PRPF6: variants seen among roughly 807,000 people sequenced by gnomAD.
The protein encoded by PRPF6 is pre-mRNA-processing factor 6.
Under a neutral mutation model 118.3 loss-of-function variants are expected in PRPF6, and 42 were observed. The ratio of observed to expected loss-of-function variants is 0.35; its 90% confidence interval spans 0.28 to 0.46. The LOEUF (loss-of-function observed/expected upper bound fraction) is 0.46. PRPF6 is among the 20% of genes least tolerant of loss of function. PRPF6 has a pLI of 1.00. For synonymous variants in PRPF6, 481 were observed against 485.1 expected, an observed-to-expected ratio of 0.99 and a Z score of 0.11; for missense variants, 662 against 1,255.7, an observed-to-expected ratio of 0.53 and a Z score of 7.15.
Position 63,981,167 on chromosome 20 carries a change from C to G in PRPF6, c.-79C>G, listed in dbSNP as rs114227570. On this transcript the variant is annotated 5_prime_UTR_variant, in exon 1 of 21. Coordinates refer to ENST00000266079, the MANE Select transcript of PRPF6 (RefSeq NM_012469.4). ...CTTTGCTACGGAGTGCATCGGACGT[C>G]GAAGCCTAGAGTCTCTGCGTCTTTC... The G allele has an allele frequency of 6.9e-7, 1 of 1,459,776 alleles. No homozygotes were observed. Among genetic ancestry groups the G allele is most frequent in the Non-Finnish European group, 9.4e-7 (1 of 1,063,490 alleles). 90.4% of individuals were successfully genotyped at this position (1,459,776 alleles called of 1,614,324 possible). A position where few individuals can be genotyped will look rare whatever the true frequency, so the allele number is the denominator to read the frequency against.
Position 63,983,123 on chromosome 20 carries a change from C to T in PRPF6, c.148C>T (p.Pro50Ser), listed in dbSNP as rs2059078499. 6.2e-7 allele frequency: 1 copy of T among 1,614,136 alleles called. No individual in the cohort carries two copies. The highest frequency in any genetic ancestry group is 8.5e-7 in the Non-Finnish European group (1 of 1,180,028). Reference sequence around the variant, plus strand: ...TGACCCTGTGGATGATCGCCATGCACCCCCAGGCAAGAGAACCGTTGGGGA... The same window carrying T: ...TGACCCTGTGGATGATCGCCATGCATCCCCAGGCAAGAGAACCGTTGGGGA... The part of the protein sequence containing the change: ...ANDPVDDRHA[P>S]PGKRTVGDQM... The change falls in exon 2 of 21, where the codon CCC (proline) becomes TCC (serine). Residue 50 changes from proline to serine, a missense_variant. By Grantham distance (74) the Pro-to-Ser change is moderately conservative. Transcript: ENST00000266079.
In PRPF6 at chr20:64,001,253, G is replaced by A. The variant is rs763593522; in HGVS notation, c.1186+14G>A. On this transcript the variant is annotated intron_variant, in intron 9 of 20. Transcript: ENST00000266079. Reference sequence around the variant, plus strand: ...TTCTTCGGAAAGGTGAGCCTCCCTCGGAGGTGCTGCTTTCTCCCTCCTTGG... The same window carrying A: ...TTCTTCGGAAAGGTGAGCCTCCCTCAGAGGTGCTGCTTTCTCCCTCCTTGG... The A allele has an allele frequency of 6.2e-6, 10 of 1,614,112 alleles. No individual in the cohort carries two copies. The highest frequency in any genetic ancestry group is 2.2e-5 in the East Asian group (1 of 44,880).
At chr20:64,014,167 T>G (rs2059227409) in intron 11 of PRPF6, among the ~76,000 whole-genome samples, 1 of 151,998 alleles carries the variant, frequency 6.6e-6, no homozygotes, top group Non-Finnish European at 1.5e-5. Flanking sequence ...CTCAAACTCC[T>G]GAGCTCAGAT....
chr20:64,008,520 G>A (rs1297601178), intron 9 of PRPF6, among the ~76,000 whole-genome samples: 1 of 152,086 alleles, frequency 6.6e-6, no homozygotes, highest in Non-Finnish European at 1.5e-5. Context: ...TGTCCTTCAT[G>A]GAGTTCTCCA....
In PRPF6 at chr20:64,010,196, C is replaced by G; in HGVS notation, c.1187-4C>G. ...GACGTGGTTTCTCGTTTGACCTTTCCTAGCCCTCGAGCATGTTCCAAACTC... is the reference window on the plus strand; with the variant it reads ...GACGTGGTTTCTCGTTTGACCTTTCGTAGCCCTCGAGCATGTTCCAAACTC... On this transcript the variant is annotated splice_region_variant and splice_polypyrimidine_tract_variant and intron_variant, in intron 9 of 20. Coordinates refer to ENST00000266079, the MANE Select transcript of PRPF6 (RefSeq NM_012469.4). The G allele has an allele frequency of 6.2e-7, 1 of 1,613,368 alleles. No individual in the cohort carries two copies. The highest frequency in any genetic ancestry group is 8.5e-7 in the Non-Finnish European group (1 of 1,179,312).
Position 64,029,405 on chromosome 20 carries a change from C to T in PRPF6, c.2460C>T (p.Leu820=), listed in dbSNP as rs61736635. The change falls in exon 19 of 21, where the codon CTC becomes CTT. Residue 820 remains leucine, a synonymous_variant. Transcript: ENST00000266079. This position sits in a 1 kb window ranked among gnomAD's most constrained non-coding sequence, Gnocchi z 4.8. ...SGILWSEAIF[L]EARPQRRTKS... ...TCCTGTGGTCTGAGGCCATCTTCCT[C>T]GAGGCAAGGCCCCAGAGGAGGACCA... 7.8e-4 allele frequency: 1,253 copies of T among 1,614,150 alleles called. 8 individuals are homozygous for T. In the African/African-American group the frequency reaches 0.015, roughly 19 times the overall value.
chr20:64,014,876 T>C (rs899412178), intron 11 of PRPF6, among the ~76,000 whole-genome samples: 6 of 152,160 alleles, frequency 3.9e-5, no homozygotes, highest in Non-Finnish European at 8.8e-5. Context: ...TGAGTCAAAG[T>C]ATTGCTTCTA....
At chr20:64,017,565 G>A (rs1425073102) in intron 12 of PRPF6, among the ~76,000 whole-genome samples, 1 of 148,592 alleles carries the variant, frequency 6.7e-6, no homozygotes, top group African/African-American at 2.5e-5. Flanking sequence ...ACGGTGCTGG[G>A]ATCACAGGCG....
rs2059137129 is a variant in PRPF6 at position 63,995,419 on chromosome 20, T to G, written c.708T>G (p.Gly236=). 1 of 1,614,002 alleles carries G rather than the reference T, an allele frequency of 6.2e-7. No homozygotes were observed. The highest frequency in any genetic ancestry group is 8.5e-7 in the Non-Finnish European group (1 of 1,180,032). ...MTPGLMTPGT[G]ELDMRKIGQA... is the part of the protein sequence containing the mutation. ...CAGGACTGATGACACCTGGCACAGGTGAGCTGGACATGAGGAAGATTGGCC... is the reference window on the plus strand; with the variant it reads ...CAGGACTGATGACACCTGGCACAGGGGAGCTGGACATGAGGAAGATTGGCC... The change falls in exon 6 of 21, where the codon GGT becomes GGG. Residue 236 remains glycine (G), a synonymous_variant. Transcript: ENST00000266079.
intron 11 of PRPF6, among the ~76,000 whole-genome samples, chr20:64,015,130 C>T (rs1244443175): frequency 6.6e-6 from 1 of 152,176 alleles, no homozygotes; most frequent in Non-Finnish European, 1.5e-5. Context: ...GATATATTGT[C>T]ACTTATCAGA....
At position 64,030,467 on chromosome 20, in the gene PRPF6, C is replaced by T. The variant is rs1247809510; in HGVS notation, c.2546+976C>T. ...ACTGGGTGGCAGTGGTGCTTGGTCT[C>T]CAGAGGTCTGGGTGCCGCCCCCACA... On this transcript the variant is annotated intron_variant, in intron 19 of 20. Transcript: ENST00000266079. Among the ~76,000 whole-genome samples the T allele has an allele frequency of 2.0e-5, 3 of 152,158 alleles. No homozygotes were observed. In the East Asian group the frequency reaches 5.8e-4, roughly 29 times the overall value.
rs771249136 is a variant in PRPF6, at chr20:64,024,597, C to T, written c.1812C>T (p.Cys604=). ...TCCTGCAGAGGGCTGTGGCCCACTGCCCCAAAGCAGAGGTGCTGTGGCTCA... is the reference window on the plus strand; with the variant it reads ...TCCTGCAGAGGGCTGTGGCCCACTGTCCCAAAGCAGAGGTGCTGTGGCTCA... ...EALLQRAVAH[C]PKAEVLWLMG... Residue 604 remains cysteine, a synonymous_variant, in exon 14 of 21, where the codon TGC becomes TGT. Coordinates refer to ENST00000266079, the MANE Select transcript of PRPF6 (RefSeq NM_012469.4). The T allele has an allele frequency of 1.2e-6, 2 of 1,613,576 alleles. No individual in the cohort carries two copies. Among genetic ancestry groups the T allele is most frequent in the East Asian group, 2.2e-5 (1 of 44,888 alleles).
chr20:64,024,276 C>A (rs1162979339), intron 13 of PRPF6, among the ~76,000 whole-genome samples: 3 of 152,192 alleles, frequency 2.0e-5, no homozygotes, highest in Non-Finnish European at 2.9e-5. Flanking sequence ...TTCCAGGACA[C>A]ACGGCTGTAA....
At chr20:63,994,404 G>T (rs889012204) in intron 4 of PRPF6, among the ~76,000 whole-genome samples, 1 of 151,872 alleles carries the variant, frequency 6.6e-6, no homozygotes, top group African/African-American at 2.4e-5. Flanking sequence ...TGATCTGCCC[G>T]CTTTGGCCTC....
chr20:64,008,812 G>T (rs955414418), intron 9 of PRPF6, among the ~76,000 whole-genome samples: 2 of 152,156 alleles, frequency 1.3e-5, no homozygotes. Flanking sequence ...TTGGAGCTTT[G>T]TTATGAACTA....
At chr20:63,999,910 G>A in intron 8 of PRPF6, 151 bp downstream of exon 8, 2 of 995,106 alleles carry the variant, frequency 2.0e-6, no homozygotes, top group Non-Finnish European at 3.0e-6. Flanking sequence ...GCAGCCAAGG[G>A]CTTTTTCCTG....
chr20:64,024,820 A>G, intron 14 of PRPF6, 127 bp downstream of exon 14: 9 of 1,393,124 alleles, frequency 6.5e-6, no homozygotes, highest in Non-Finnish European at 8.8e-6. Context: ...ACTGGAGTCC[A>G]GGGGCTGCTC....
chr20:64,001,479 A>G (rs973847277), intron 9 of PRPF6, among the ~76,000 whole-genome samples: 2 of 151,992 alleles, frequency 1.3e-5, no homozygotes, highest in Non-Finnish European at 2.9e-5. Context: ...GCCTTTTTCC[A>G]GTGTGTGATC....
In PRPF6 at chr20:63,983,227, C is replaced by T; in HGVS notation, c.240+12C>T. 6.2e-7 allele frequency: 1 copy of T among 1,614,156 alleles called. No individual in the cohort carries two copies. On this transcript the variant is annotated intron_variant, in intron 2 of 20. Transcript: ENST00000266079. ...CCAATTACGATGAGGTGAGATGTGT[C>T]CGGCTTTCGTGGCTCCTCCAGCCAG... is the stretch of plus-strand genomic sequence containing the variant.
Sources: gnomAD v4.1 joint callset for allele counts (sites outside exome capture counted in the v4.1 genomes callset) on GRCh38, gnomAD v4.1.1 for gene constraint, Gnocchi (gnomAD v3.1) non-coding constraint, MANE v1.5 for transcripts, NCBI Gene and HGNC (gene_info 2026-07-23, HGNC 2026-07-21) for gene names.